NOX4: variants seen among roughly 807,000 people sequenced by gnomAD.
The protein encoded by NOX4 is kidney oxidase-1.
NOX4 carries 69 observed loss-of-function variants against 87.6 expected under a neutral mutation model. The ratio of observed to expected loss-of-function variants is 0.79; its 90% CI spans 0.65 to 0.96. The LOEUF (loss-of-function observed/expected upper bound fraction) is 0.96, where lower values mean the gene tolerates loss of function less well. Ranked by LOEUF, NOX4 falls within the 40% of genes least tolerant of loss-of-function variation. The pLI, the probability that NOX4 is intolerant of heterozygous loss-of-function variation, is 0.00. For synonymous variants in NOX4, 275 were observed against 238.2 expected (o/e 1.15, Z -1.42); for missense variants, 680 against 681.5 (o/e 1.00, Z 0.02).
the NOX4 span, among the ~76,000 whole-genome samples, chr11:89,566,999 G>T: frequency 6.6e-6 from 1 of 152,162 alleles, no homozygotes; most frequent in Non-Finnish European, 1.5e-5. Context: ...GGCACAGCAT[G>T]ACTACAGTAG....
the NOX4 span, among the ~76,000 whole-genome samples, chr11:89,522,863 C>T: frequency 6.6e-6 from 1 of 152,086 alleles, no homozygotes; most frequent in South Asian, 2.1e-4. Flanking sequence ...GGAAACAAAG[C>T]CCTTTAATAA....
At chr11:89,345,219 T>C (rs60391512) in intron 13 of NOX4, among the ~76,000 whole-genome samples, 5,592 of 152,230 alleles carry the variant, frequency 0.037, 156 homozygotes, top group East Asian at 0.13. Flanking sequence ...TGAGCATTTG[T>C]AGTTTTCACC....
At chr11:89,424,373 C>G (rs1244121623) in intron 7 of NOX4, among the ~76,000 whole-genome samples, 2 of 149,384 alleles carry the variant, frequency 1.3e-5, no homozygotes, top group Non-Finnish European at 3.0e-5. Context: ...CTAATAATTA[C>G]CATTATTTCC....
the NOX4 span, among the ~76,000 whole-genome samples, chr11:89,555,845 A>G: frequency 6.6e-6 from 1 of 152,210 alleles, no homozygotes; most frequent in Non-Finnish European, 1.5e-5. Context: ...CTGCAAATAA[A>G]TATATGCAGG....
intron 8 of NOX4, among the ~76,000 whole-genome samples, chr11:89,404,344 A>T (rs1942046524): frequency 6.6e-6 from 1 of 152,220 alleles, no homozygotes; most frequent in South Asian, 2.1e-4. Flanking sequence ...AGACATGAGC[A>T]TAATGCACTT....
chr11:89,470,939 G>T (rs1380126285), intron 2 of NOX4, among the ~76,000 whole-genome samples: 1 of 151,982 alleles, frequency 6.6e-6, no homozygotes, highest in Non-Finnish European at 1.5e-5. Context: ...ATTTGTATTG[G>T]CATTGTACCT....
intron 16 of NOX4, 101 bp from the exon 17 acceptor site, chr11:89,336,046 G>A: frequency 1.6e-6 from 1 of 630,402 alleles, no homozygotes; most frequent in Admixed American, 3.2e-5. Flanking sequence ...AAATTGCTGT[G>A]ATATAAAGAA....
rs528218257 is a variant in NOX4 at position 89,335,433 on chromosome 11, T to TA, written c.1616+411dup. On this transcript the variant is annotated intron_variant, in intron 17 of 17. Transcript: ENST00000263317. ...AACAAACAAAAAACATTCATTCTGGTAAAAAAAGGTACAAAAAATGTGATT... is the reference window on the plus strand; with the variant it reads ...AACAAACAAAAAACATTCATTCTGGTAAAAAAAAGGTACAAAAAATGTGATT... 1.1e-3 allele frequency among the ~76,000 whole-genome samples: 168 copies of TA among 151,840 alleles called. 1 individual carries two copies. Among genetic ancestry groups the TA allele is most frequent in the Middle Eastern group, 3.4e-3 (1 of 294 alleles).
chr11:89,523,968 C>G, the NOX4 span, among the ~76,000 whole-genome samples: 1 of 152,108 alleles, frequency 6.6e-6, no homozygotes, highest in African/African-American at 2.4e-5. Flanking sequence ...CAAAACAGAT[C>G]AGCAGCTCCC....
chr11:89,406,439 C>G (rs1457448017), intron 8 of NOX4, among the ~76,000 whole-genome samples: 1 of 152,108 alleles, frequency 6.6e-6, no homozygotes, highest in South Asian at 2.1e-4. Context: ...TAAGATAACA[C>G]AAAGCTCTGT....
the NOX4 span, among the ~76,000 whole-genome samples, chr11:89,566,513 G>A: frequency 0.45 from 68,894 of 151,986 alleles, 15,766 homozygotes; most frequent in East Asian, 0.55. Context: ...TTTCTTTCTT[G>A]AATATTTGGT....
chr11:89,560,683 T>C, the NOX4 span, among the ~76,000 whole-genome samples: 1 of 151,656 alleles, frequency 6.6e-6, no homozygotes, highest in Non-Finnish European at 1.5e-5. Flanking sequence ...GCAAATTTGC[T>C]CTCCTTCTTT....
Position 89,491,330 on chromosome 11 carries a change from C to G in NOX4, c.-84G>C. Reference sequence around the variant, plus strand: ...GGCCGGGGCAGCGGTTACAGTTGTGCGGCCTGCCGGGCCGCTGAGCGAGGA... The same window carrying G: ...GGCCGGGGCAGCGGTTACAGTTGTGGGGCCTGCCGGGCCGCTGAGCGAGGA... On this transcript the variant is annotated 5_prime_UTR_variant, in exon 1 of 18. Transcript: ENST00000263317. The G allele has an allele frequency of 7.9e-7, 1 of 1,272,378 alleles. No homozygotes were observed. Among genetic ancestry groups the G allele is most frequent in the East Asian group, 2.5e-5 (1 of 40,026 alleles). 78.8% of individuals were successfully genotyped at this position (1,272,378 alleles called of 1,614,324 possible). A position where few individuals can be genotyped will look rare whatever the true frequency, so the allele number is the denominator to read the frequency against.
chr11:89,368,597 T>TAAGG (rs1178638288), intron 12 of NOX4, among the ~76,000 whole-genome samples: 1 of 152,104 alleles, frequency 6.6e-6, no homozygotes, highest in Non-Finnish European at 1.5e-5. Flanking sequence ...ATCCCTTTCA[T>TAAGG]AAGGCACTAA....
chr11:89,402,296 T>C, intron 9 of NOX4, 30 bp downstream of exon 9: 1 of 1,528,462 alleles, frequency 6.5e-7, no homozygotes, highest in East Asian at 2.3e-5. Context: ...AAACAAACTT[T>C]GTGGAGATCA....
At chr11:89,507,482 G>GT in the NOX4 span, among the ~76,000 whole-genome samples, 1 of 151,048 alleles carries the variant, frequency 6.6e-6, no homozygotes, top group South Asian at 2.1e-4. Flanking sequence ...ATATAACAAT[G>GT]TAATACACAT....
the NOX4 span, among the ~76,000 whole-genome samples, chr11:89,516,638 T>C: frequency 6.6e-6 from 1 of 152,132 alleles, no homozygotes; most frequent in Admixed American, 6.6e-5. Context: ...CATTTCTTAC[T>C]AGGATCCTTG....
At chr11:89,581,779 T>C in the NOX4 span, among the ~76,000 whole-genome samples, 59 of 152,298 alleles carry the variant, frequency 3.9e-4, 1 homozygote, top group African/African-American at 1.4e-3. Context: ...GAGGTAACTA[T>C]ACACCCATAA....
chr11:89,587,854 G>A, the NOX4 span, among the ~76,000 whole-genome samples: 5 of 152,216 alleles, frequency 3.3e-5, no homozygotes, highest in African/African-American at 1.2e-4. Flanking sequence ...AGATTTTGAA[G>A]ACACTGGAGA....
Sources: gnomAD v4.1 joint callset for allele counts (sites outside exome capture counted in the v4.1 genomes callset) on GRCh38, gnomAD v4.1.1 for gene constraint, MANE v1.5 for transcripts, NCBI Gene and HGNC (gene_info 2026-07-23, HGNC 2026-07-21) for gene names.